The following MLC1 variants were observed in gnomAD, a reference collection of about 807,000 sequenced individuals.
MLC1 encodes modulator of VRAC current 1, also known as membrane protein MLC1.
In MLC1, 32 loss-of-function variants were observed where a neutral mutation model predicts 44.7. The observed-to-expected ratio is 0.72, with a 90% confidence interval of 0.54 to 0.96. The LOEUF (loss-of-function observed/expected upper bound fraction) is 0.96. Ranked by LOEUF, MLC1 falls within the 40% of genes least tolerant of loss-of-function variation. The probability of loss-of-function intolerance (pLI) is 0.00; values close to 1 mark genes in which losing one functional copy is unlikely to be tolerated. For synonymous variants in MLC1, 190 were observed against 213.0 expected, an observed-to-expected ratio of 0.89 and a Z score of 0.94; for missense variants, 459 against 492.2, an observed-to-expected ratio of 0.93 and a Z score of 0.64.
At position 50,059,933 on chromosome 22, in the gene MLC1, T is replaced by G. The variant is rs1183243724; in HGVS notation, c.*1650A>C. ...TTGTCATGAACACCATGAAGGTATC[T>G]TGGCAGCCAGAGTCACTCCTGTTCC... is the stretch of plus-strand genomic sequence containing the variant. On this transcript the variant is annotated 3_prime_UTR_variant, in exon 12 of 12. Transcript: ENST00000311597. 1 of 152,330 alleles carries G rather than the reference T, an allele frequency of 6.6e-6. No individual in the cohort carries two copies. Among genetic ancestry groups the G allele is most frequent in the Non-Finnish European group, 1.5e-5 (1 of 68,058 alleles). The allele number at this position is 152,330 out of a possible 1,614,324, so 9.4% of individuals were successfully genotyped here. A position where few individuals can be genotyped will look rare whatever the true frequency, so the allele number is the denominator to read the frequency against.
chr22:50,070,707 G>A (rs1197587931), intron 8 of MLC1, 124 bp from the exon 9 acceptor site: 4 of 1,049,740 alleles, frequency 3.8e-6, no homozygotes, highest in Middle Eastern at 2.0e-4. Flanking sequence ...GTGGGGGGCA[G>A]GGGGGATGGT....
At position 50,077,400 on chromosome 22, in the gene MLC1, C is replaced by T. The variant is rs769135961; in HGVS notation, c.525+1G>A. The stretch of plus-strand genomic sequence containing the variant: ...CCTGCGGGGTCAGAAGCTGCACCCA[C>T]CTTCTTTTTCTTGCAGTCCTCCTCG... On this transcript the variant is annotated splice_donor_variant, in intron 6 of 11. Transcript: ENST00000311597. LOFTEE classifies it high-confidence loss of function. 60 of 1,613,312 alleles carry T rather than the reference C, an allele frequency of 3.7e-5. No individual in the cohort carries two copies. Among genetic ancestry groups the T allele is most frequent in the Non-Finnish European group, 5.0e-5 (59 of 1,179,482 alleles).
At chr22:50,081,698 C>T (rs897477375) in intron 3 of MLC1, among the ~76,000 whole-genome samples, 4 of 152,248 alleles carry the variant, frequency 2.6e-5, no homozygotes, top group South Asian at 2.1e-4. Flanking sequence ...GGGGCCTGAG[C>T]GAGGGGCAGA....
At chr22:50,061,750 A>G (rs2061563431) in intron 11 of MLC1, 93 bp from the exon 12 acceptor site, 1 of 1,169,292 alleles carries the variant, frequency 8.6e-7, no homozygotes, top group Non-Finnish European at 1.3e-6. Context: ...GCGAGCAGCC[A>G]GCGTTCAGAA....
rs2061532394 is a variant in MLC1, at chr22:50,060,096, C to A, written c.*1487G>T. ...CAGATGCATCTCCGGGCCTTTCCAGCAGCCCATGGGGGACCAGTCAATACA... is the reference window on the plus strand; with the variant it reads ...CAGATGCATCTCCGGGCCTTTCCAGAAGCCCATGGGGGACCAGTCAATACA... On this transcript the variant is annotated 3_prime_UTR_variant, in exon 12 of 12. Transcript: ENST00000311597. 1 of 152,400 alleles carries A rather than the reference C, an allele frequency of 6.6e-6. No individual in the cohort carries two copies. The highest frequency in any genetic ancestry group is 1.5e-5 in the Non-Finnish European group (1 of 68,094). The allele number at this position is 152,400 out of a possible 1,614,324, so 9.4% of individuals were successfully genotyped here. A position where few individuals can be genotyped will look rare whatever the true frequency, so the allele number is the denominator to read the frequency against.
At position 50,074,345 on chromosome 22, in the gene MLC1, G is replaced by A; in HGVS notation, c.598-13C>T. 3 of 1,601,074 alleles carry A rather than the reference G, an allele frequency of 1.9e-6. No homozygotes were observed. The highest frequency in any genetic ancestry group is 2.6e-6 in the Non-Finnish European group (3 of 1,168,316). On this transcript the variant is annotated splice_polypyrimidine_tract_variant and intron_variant, in intron 7 of 11. Coordinates refer to ENST00000311597, the MANE Select transcript of MLC1 (RefSeq NM_015166.4). Reference sequence around the variant, plus strand: ...TTACCTCGACGACCTGGAGGGGACAGGACAGCATCGGCTCATAAGGAAGTG... The same window carrying A: ...TTACCTCGACGACCTGGAGGGGACAAGACAGCATCGGCTCATAAGGAAGTG...
At chr22:50,069,064 T>C (rs1441463044) in intron 9 of MLC1, among the ~76,000 whole-genome samples, 1 of 150,968 alleles carries the variant, frequency 6.6e-6, no homozygotes, top group African/African-American at 2.4e-5. Flanking sequence ...CCTAGCTGTG[T>C]AGCCCAGGCA....
In MLC1 at chr22:50,083,413, C is replaced by A. The variant is rs546709060; in HGVS notation, c.178-240G>T. On this transcript the variant is annotated intron_variant, in intron 2 of 11. Transcript: ENST00000311597. The surrounding 1 kb of genome is among the most constrained non-coding windows in gnomAD (Gnocchi z 4.6). The stretch of plus-strand genomic sequence containing the variant: ...GCCATGTCGGAGCATGGACCCCCCA[C>A]GCTGTTATCTGGAGGAGAGAAGAAA... 6.6e-6 allele frequency among the ~76,000 whole-genome samples: 1 copy of A among 152,230 alleles called. No homozygotes were observed. Among genetic ancestry groups the A allele is most frequent in the East Asian group, 1.9e-4 (1 of 5,172 alleles).
intron 2 of MLC1, 120 bp downstream of exon 2, chr22:50,084,606 A>G (rs2062234207): frequency 1.8e-5 from 20 of 1,084,970 alleles, no homozygotes; most frequent in Non-Finnish European, 2.7e-5. Context: ...GTTCTGCAGC[A>G]GCAGGGTTAG....
chr22:50,072,564 G>A (rs181477315), intron 8 of MLC1, among the ~76,000 whole-genome samples: 5 of 152,316 alleles, frequency 3.3e-5, no homozygotes, highest in Non-Finnish European at 5.9e-5. Flanking sequence ...AGCCACCCCC[G>A]AGGCAGGAGG....
At chr22:50,077,312 C>T (rs1160226346) in intron 6 of MLC1, 89 bp downstream of exon 6, 1 of 1,191,082 alleles carries the variant, frequency 8.4e-7, no homozygotes, top group Admixed American at 1.9e-5. Flanking sequence ...CCAGATCGGC[C>T]CTCCGAGGGT....
rs1022471375 is a variant in MLC1, at chr22:50,083,009, C to T, written c.267+75G>A. The T allele has an allele frequency of 6.5e-5, 93 of 1,427,542 alleles. No individual in the cohort carries two copies. Among genetic ancestry groups the T allele is most frequent in the South Asian group, 4.0e-4 (35 of 87,304 alleles). 88.4% of individuals were successfully genotyped at this position (1,427,542 alleles called of 1,614,324 possible). On this transcript the variant is annotated intron_variant, in intron 3 of 11. Transcript: ENST00000311597. The surrounding 1 kb of genome is among the most constrained non-coding windows in gnomAD (Gnocchi z 4.6). ...GAGGTACAGGTGACAGAAACCTGCA[C>T]ATCTCAGAACAAAGAAACCAGAGCA...
chr22:50,074,678 G>A (rs914670464), intron 7 of MLC1: 12 of 361,022 alleles, frequency 3.3e-5, no homozygotes, highest in Non-Finnish European at 5.4e-5. Flanking sequence ...GGCAGGCGGC[G>A]GTGCTCAGAC....
chr22:50,064,807 G>A (rs2061669500), intron 10 of MLC1, among the ~76,000 whole-genome samples: 1 of 152,166 alleles, frequency 6.6e-6, no homozygotes, highest in Non-Finnish European at 1.5e-5. Flanking sequence ...TAGCTTTCCC[G>A]TGTTGGCTCA....
At chr22:50,073,844 A>G (rs559902739) in intron 8 of MLC1, among the ~76,000 whole-genome samples, 49 of 152,216 alleles carry the variant, frequency 3.2e-4, no homozygotes, top group Non-Finnish European at 6.0e-4. Context: ...ATGTAAAGTA[A>G]TAACAGAAAT....
intron 8 of MLC1, 123 bp from the exon 9 acceptor site, chr22:50,070,706 AG>A: frequency 1.7e-5 from 18 of 1,083,206 alleles, no homozygotes; most frequent in Non-Finnish European, 1.9e-5. Context: ...TGTGGGGGGC[AG>A]GGGGGATGGT....
chr22:50,076,492 T>C (rs1437905464), intron 7 of MLC1, among the ~76,000 whole-genome samples: 4 of 149,538 alleles, frequency 2.7e-5, no homozygotes, highest in Non-Finnish European at 4.4e-5. Context: ...GAGGCAGAGG[T>C]GGCGGTGAGC....
At chr22:50,077,954 A>G (rs1488166339) in intron 5 of MLC1, among the ~76,000 whole-genome samples, 1 of 152,070 alleles carries the variant, frequency 6.6e-6, no homozygotes, top group East Asian at 1.9e-4. Flanking sequence ...TATTCATAGA[A>G]GCATACATTT....
intron 6 of MLC1, 59 bp from the exon 7 acceptor site, chr22:50,076,971 C>T: frequency 1.3e-6 from 2 of 1,593,714 alleles, no homozygotes; most frequent in Non-Finnish European, 1.7e-6. Context: ...AGCACTGCCG[C>T]TGGCATCCGG....
Sources: allele counts gnomAD v4.1 joint callset (sites outside exome capture counted in the v4.1 genomes callset), GRCh38; gene constraint gnomAD v4.1.1; non-coding constraint Gnocchi (gnomAD v3.1); transcripts MANE v1.5; gene names NCBI Gene and HGNC (gene_info 2026-07-23, HGNC 2026-07-21).